The following PRAG1 variants were observed in gnomAD, a reference collection of about 807,000 sequenced individuals.
PRAG1 encodes inactive tyrosine-protein kinase PRAG1.
A neutral mutation model predicts 95.6 loss-of-function variants in PRAG1; 110 were observed. That is an observed-to-expected ratio of 1.15 (90% confidence interval 0.99 to 1.35). The LOEUF is 1.35. PRAG1 is among the 40% of genes most tolerant of loss of function. PRAG1 has a pLI of 0.00. For synonymous variants in PRAG1, 1,052 were observed against 819.4 expected (o/e 1.28, Z -4.85); for missense variants, 2,554 against 1,864.7 (o/e 1.37, Z -6.81).
At chr8:8,383,800 A>T (rs566290822) in intron 1 of PRAG1, among the ~76,000 whole-genome samples, 9 of 152,140 alleles carry the variant, frequency 5.9e-5, no homozygotes, top group Non-Finnish European at 2.9e-5. Context: ...CTGGGCTTCA[A>T]CAAGCGGAGG....
intron 3 of PRAG1, among the ~76,000 whole-genome samples, chr8:8,358,682 G>A (rs1799756184): frequency 6.6e-6 from 1 of 152,236 alleles, no homozygotes; most frequent in Non-Finnish European, 1.5e-5. Context: ...ACTTTCTGCA[G>A]AAAGGGTGCT....
At position 8,318,633 on chromosome 8, in the gene PRAG1, G is replaced by A. The variant is rs1798361714; in HGVS notation, c.3742C>T (p.Gln1248Ter). ...TGGAACTCATCGAACTTGCGGTACTGGGAAGCAGACACGATCTCGGGGGCC... is the reference window on the plus strand; with the variant it reads ...TGGAACTCATCGAACTTGCGGTACTAGGAAGCAGACACGATCTCGGGGGCC... ...RLAPEIVSASQYRKFDEFQTG... is the reference protein window; with the variant it reads ...RLAPEIVSAS The change falls in exon 6 of 6, where the codon CAG (glutamine) becomes TAG (stop). Residue 1248 changes from glutamine (Q) to a stop codon, truncating the protein, a stop_gained. Coordinates refer to ENST00000615670, the MANE Select transcript of PRAG1 (RefSeq NM_001080826.3). LOFTEE classifies it high-confidence loss of function. This position sits in a 1 kb window ranked among gnomAD's most constrained non-coding sequence, Gnocchi z 4.2. 2 of 1,612,836 alleles carry A rather than the reference G, an allele frequency of 1.2e-6. No individual in the cohort carries two copies. Among genetic ancestry groups the A allele is most frequent in the Non-Finnish European group, 1.7e-6 (2 of 1,179,892 alleles).
chr8:8,380,634 T>C lies in PRAG1; in HGVS notation c.330+784A>G, dbSNP rs554543456. On this transcript the variant is annotated intron_variant, in intron 2 of 5. Transcript: ENST00000615670. ...ACTTTGGAAGGCCGAGGTGGGCAGA[T>C]CACAAGGTCAAGAGATCGAGACCAT... Among the ~76,000 whole-genome samples, 383 of 151,962 alleles carry C rather than the reference T, an allele frequency of 2.5e-3. 1 individual carries two copies. The highest frequency in any genetic ancestry group is 8.7e-3 in the African/African-American group (362 of 41,410).
In PRAG1 at chr8:8,377,804, G is replaced by C. The variant is rs759072129; in HGVS notation, c.605C>G (p.Ser202Cys). Residue 202 changes from serine (S) to cysteine (C), a missense_variant, in exon 3 of 6, where the codon TCC (serine) becomes TGC (cysteine). Ser to Cys is a moderately radical substitution (Grantham distance 112). Coordinates refer to ENST00000615670, the MANE Select transcript of PRAG1 (RefSeq NM_001080826.3). ...TTTCTGGCGGAAGCTCTCCTGGGTG[G>C]AGGGCCGGTCTTGGTAAGGAAATGA... Reference protein sequence around the residue: ...KPSFPYQDRPSTQESFRQKLA... With the variant: ...KPSFPYQDRPCTQESFRQKLA... The C allele has an allele frequency of 2.5e-6, 4 of 1,614,170 alleles. No individual in the cohort carries two copies. In the Admixed American group the frequency reaches 5.0e-5, roughly 20 times the overall value.
chr8:8,352,811 G>C (rs1799565558), intron 3 of PRAG1, among the ~76,000 whole-genome samples: 1 of 151,958 alleles, frequency 6.6e-6, no homozygotes, highest in Admixed American at 6.6e-5. Flanking sequence ...TTTTGTACTT[G>C]CTTACAAAAA....
chr8:8,368,446 G>C (rs1463863757), intron 3 of PRAG1, among the ~76,000 whole-genome samples: 3 of 152,190 alleles, frequency 2.0e-5, no homozygotes, highest in Non-Finnish European at 4.4e-5. Flanking sequence ...AGCAATGCAA[G>C]CACAGAGGAT....
chr8:8,339,610 T>C lies in PRAG1; in HGVS notation c.2188A>G (p.Ser730Gly). Residue 730 changes from serine to glycine, a missense_variant, in exon 4 of 6, where the codon AGC becomes GGC. Ser to Gly is a moderately conservative substitution (Grantham distance 56). Transcript: ENST00000615670. ...SRHLLKMNKS[S>G]SDLEKVSQGS... is the part of the protein sequence containing the mutation. Reference sequence around the variant, plus strand: ...TGGCTCACTTTTTCCAAATCAGAGCTGCTCTTGTTCATTTTTAGAAGGTGC... The same window carrying C: ...TGGCTCACTTTTTCCAAATCAGAGCCGCTCTTGTTCATTTTTAGAAGGTGC... The C allele has an allele frequency of 1.2e-6, 2 of 1,612,958 alleles. No homozygotes were observed. The highest frequency in any genetic ancestry group is 2.2e-5 in the South Asian group (2 of 91,060).
At position 8,376,949 on chromosome 8, in the gene PRAG1, G is replaced by A. The variant is rs765196677; in HGVS notation, c.1460C>T (p.Thr487Met). The change falls in exon 3 of 6, where the codon ACG (threonine) becomes ATG (methionine). Residue 487 changes from threonine (T) to methionine (M), a missense_variant. By Grantham distance (81) the Thr-to-Met change is moderately conservative (BLOSUM62 -1). Transcript: ENST00000615670. ...AGAGTCAGGGCTGCTCAGGTAGATC[G>A]TCCGATGGTCCTCTTCCGGGTGGGC... ...MAAHPEEDHR[T>M]IYLSSPDSAV... 33 of 1,613,340 alleles carry A rather than the reference G, an allele frequency of 2.0e-5. No homozygotes were observed. Among genetic ancestry groups the A allele is most frequent in the African/African-American group, 5.3e-5 (4 of 74,938 alleles).
chr8:8,339,290 A>G (rs1383521138), intron 4 of PRAG1, among the ~76,000 whole-genome samples, 188 bp downstream of exon 4: 1 of 152,226 alleles, frequency 6.6e-6, no homozygotes, highest in Non-Finnish European at 1.5e-5. Context: ...GGCAATATGG[A>G]TGGGCTGGCT....
chr8:8,385,550 C>T (rs2976955), intron 1 of PRAG1, among the ~76,000 whole-genome samples: 12,967 of 152,248 alleles, frequency 0.085, 606 homozygotes, highest in South Asian at 0.17. Flanking sequence ...ATCAGGAAAG[C>T]CTTCTGAGCC....
chr8:8,377,352 CG>C lies in PRAG1; in HGVS notation c.1056del (p.Ala353ProfsTer17). On this transcript the variant is annotated frameshift_variant, in exon 3 of 6. Coordinates refer to ENST00000615670, the MANE Select transcript of PRAG1 (RefSeq NM_001080826.3). LOFTEE classifies it high-confidence loss of function. ...AGGTGGGGGACGAAGGGGCTACTGG[CG>C]CCGCTGCCGCTGCCGCTGCCGCTGC... ...SCGSGSGSGS[G>X]ASSPFVPHLE... 1 of 1,581,608 alleles carries C rather than the reference CG, an allele frequency of 6.3e-7. No individual in the cohort carries two copies. Among genetic ancestry groups the C allele is most frequent in the Non-Finnish European group, 8.6e-7 (1 of 1,164,778 alleles).
At chr8:8,332,780 C>T (rs1376400569) in intron 4 of PRAG1, among the ~76,000 whole-genome samples, 2 of 151,846 alleles carry the variant, frequency 1.3e-5, no homozygotes, top group African/African-American at 4.9e-5. Context: ...TAGCTGTCTT[C>T]TATGGAATCT....
chr8:8,318,112 T>G lies in PRAG1; in HGVS notation c.*42A>C, dbSNP rs1188504834. ...CTTCCAAGGCGAGACAGGAAAGGGT[T>G]AGGCAGGGAAGGGGCAGCGACGGTG... On this transcript the variant is annotated 3_prime_UTR_variant, in exon 6 of 6. Coordinates refer to ENST00000615670, the MANE Select transcript of PRAG1 (RefSeq NM_001080826.3). This position sits in a 1 kb window ranked among gnomAD's most constrained non-coding sequence, Gnocchi z 4.2. 1 of 1,565,752 alleles carries G rather than the reference T, an allele frequency of 6.4e-7. No individual in the cohort carries two copies. Among genetic ancestry groups the G allele is most frequent in the Admixed American group, 1.8e-5 (1 of 54,702 alleles).
At chr8:8,349,243 G>C (rs1433154913) in intron 3 of PRAG1, among the ~76,000 whole-genome samples, 1 of 150,920 alleles carries the variant, frequency 6.6e-6, no homozygotes, top group Non-Finnish European at 1.5e-5. Context: ...AGCTAGGGAG[G>C]TTTCTATTAT....
At chr8:8,347,620 G>A (rs1000903309) in intron 3 of PRAG1, among the ~76,000 whole-genome samples, 1 of 152,094 alleles carries the variant, frequency 6.6e-6, no homozygotes, top group Non-Finnish European at 1.5e-5. Context: ...TGTGTTACCT[G>A]CAGTGGATCT....
intron 2 of PRAG1, among the ~76,000 whole-genome samples, chr8:8,380,737 C>T (rs1318767188): frequency 6.6e-6 from 1 of 151,224 alleles, no homozygotes; most frequent in Admixed American, 6.6e-5. Context: ...CCTGTAATCC[C>T]AGCTACTCAG....
intron 5 of PRAG1, among the ~76,000 whole-genome samples, chr8:8,325,553 T>C (rs1798610105): frequency 1.3e-5 from 2 of 152,188 alleles, no homozygotes; most frequent in Non-Finnish European, 1.5e-5. Flanking sequence ...ATACGGCTAA[T>C]TCTGCAGTAA....
intron 5 of PRAG1, among the ~76,000 whole-genome samples, chr8:8,322,038 G>T (rs1196396250): frequency 7.9e-5 from 12 of 152,210 alleles, no homozygotes; most frequent in Admixed American, 7.9e-4. Context: ...AACAGCACTA[G>T]AGCTCATCCC....
intron 2 of PRAG1, among the ~76,000 whole-genome samples, chr8:8,379,013 T>C (rs1430314434): frequency 4.6e-5 from 7 of 151,560 alleles, no homozygotes; most frequent in Non-Finnish European, 7.4e-5. Flanking sequence ...GGGTAGTTTC[T>C]GAACTGGATC....
Sources: gnomAD v4.1 joint callset for allele counts (sites outside exome capture counted in the v4.1 genomes callset) on GRCh38, gnomAD v4.1.1 for gene constraint, Gnocchi (gnomAD v3.1) non-coding constraint, MANE v1.5 for transcripts, NCBI Gene and HGNC (gene_info 2026-07-23, HGNC 2026-07-21) for gene names.